Variants in CD38 observed in about 807,000 individuals in gnomAD.
CD38 encodes the protein CD38 molecule.
Under a neutral mutation model 36.3 loss-of-function variants are expected in CD38, and 31 were observed. The ratio of observed to expected loss-of-function variants is 0.85; its 90% CI spans 0.64 to 1.15. The LOEUF (loss-of-function observed/expected upper bound fraction) is 1.15. Among genes scored for constraint, CD38 ranks in the 50% most tolerant of loss-of-function variants. The pLI, the probability that CD38 is intolerant of heterozygous loss-of-function variation, is 0.00. For missense variants in CD38, 380 were observed against 371.9 expected (o/e 1.02, Z -0.18); for synonymous variants, 131 against 135.2 (o/e 0.97, Z 0.22).
chr4:15,787,999 G>A (rs916882474), intron 1 of CD38, among the ~76,000 whole-genome samples: 5 of 152,160 alleles, frequency 3.3e-5, no homozygotes, highest in African/African-American at 4.8e-5. Flanking sequence ...CGCCCTCTGC[G>A]TCAGGGTAAG....
chr4:15,783,528 T>C (rs576807484), intron 1 of CD38, among the ~76,000 whole-genome samples: 1 of 152,298 alleles, frequency 6.6e-6, no homozygotes, highest in Admixed American at 6.5e-5. Context: ...GAAGGACTAT[T>C]TTATTCACTT....
rs183041500 is a variant in CD38 at position 15,807,555 on chromosome 4, G to A, written c.234-8956G>A. Among the ~76,000 whole-genome samples the A allele has an allele frequency of 6.4e-3, 971 of 152,208 alleles. 10 individuals carry two copies. The highest frequency in any genetic ancestry group is 0.012 in the Non-Finnish European group (802 of 68,020). ...AGGCCAGCTCCTGAGTGTCAGGGGG[G>A]GCTGCACTGCTTTGTCATTATCAAC... On this transcript the variant is annotated intron_variant, in intron 1 of 7. Transcript: ENST00000226279.
rs183361141 is a variant in CD38, at chr4:15,786,482, T to C, written c.233+7835T>C. 1.7e-3 allele frequency among the ~76,000 whole-genome samples: 260 copies of C among 151,980 alleles called. 1 individual carries two copies. Among genetic ancestry groups the C allele is most frequent in the African/African-American group, 6.1e-3 (252 of 41,438 alleles). On this transcript the variant is annotated intron_variant, in intron 1 of 7. Transcript: ENST00000226279. ...TAGACATAAAGATTCTCTAAGTCCC[T>C]AGTAGATTAGCTAGACACAGAGCAC...
intron 1 of CD38, among the ~76,000 whole-genome samples, chr4:15,786,995 G>T (rs1297618022): frequency 1.3e-5 from 2 of 152,202 alleles, no homozygotes; most frequent in African/African-American, 4.8e-5. Context: ...GCCCTTCACT[G>T]TCCGGGGCCT....
chr4:15,832,442 C>G (rs987306531), intron 3 of CD38, among the ~76,000 whole-genome samples: 3 of 152,172 alleles, frequency 2.0e-5, no homozygotes, highest in Non-Finnish European at 4.4e-5. Context: ...ATGTTGTGAT[C>G]TACGTTGTAT....
At chr4:15,839,618 T>C (rs1724158307) in intron 5 of CD38, among the ~76,000 whole-genome samples, 1 of 151,354 alleles carries the variant, frequency 6.6e-6, no homozygotes, top group African/African-American at 2.4e-5. Context: ...AGAGACGGGG[T>C]TTCATAGTGT....
chr4:15,834,085 C>T, intron 3 of CD38, 132 bp from the exon 4 acceptor site: 1 of 623,500 alleles, frequency 1.6e-6, no homozygotes, highest in African/African-American at 1.8e-5. Context: ...CAAAATGTGT[C>T]CATTCTCCAG....
chr4:15,806,131 A>T (rs1315070382), intron 1 of CD38, among the ~76,000 whole-genome samples: 2 of 152,208 alleles, frequency 1.3e-5, no homozygotes, highest in Non-Finnish European at 2.9e-5. Flanking sequence ...AAGTAGGCTG[A>T]CCGCAGACAA....
chr4:15,778,417 GGCCAACT>G lies in CD38; in HGVS notation c.6_12del (p.Asn3SerfsTer29), dbSNP rs900003945. The stretch of plus-strand genomic sequence containing the variant: ...CAGCCAACCCCGCCTGGAGCCCTAT[GGCCAACT>G]GCGAGTTCAGCCCGGTGTCCGGGGA... On this transcript the variant is annotated frameshift_variant, in exon 1 of 8. Coordinates refer to ENST00000226279, the MANE Select transcript of CD38 (RefSeq NM_001775.4). LOFTEE classifies it high-confidence loss of function. This position sits in a 1 kb window ranked among gnomAD's most constrained non-coding sequence, Gnocchi z 4.9. 1.9e-6 allele frequency: 3 copies of G among 1,612,830 alleles called. No individual in the cohort carries two copies. The highest frequency in any genetic ancestry group is 2.5e-6 in the Non-Finnish European group (3 of 1,179,212).
intron 1 of CD38, among the ~76,000 whole-genome samples, chr4:15,780,532 A>ACACACACACACACACACACG (rs1560303824): frequency 1.0e-4 from 15 of 145,630 alleles, no homozygotes; most frequent in African/African-American, 3.9e-4. Context: ...ACACACACAC[A>ACACACACACACACACACACG]CACACACACA....
intron 1 of CD38, among the ~76,000 whole-genome samples, chr4:15,789,981 ACT>A (rs1722922750): frequency 6.6e-6 from 1 of 152,210 alleles, no homozygotes. Context: ...AGGAGGCTTT[ACT>A]GGAAGGTGTC....
intron 1 of CD38, among the ~76,000 whole-genome samples, chr4:15,791,576 T>G (rs1209631911): frequency 7.6e-4 from 28 of 36,970 alleles, no homozygotes; most frequent in South Asian, 2.1e-3. Context: ...GGGAGGGAGG[T>G]GGGGGGGTCA....
At chr4:15,814,798 G>A (rs911456592) in intron 1 of CD38, among the ~76,000 whole-genome samples, 1 of 145,612 alleles carries the variant, frequency 6.9e-6, no homozygotes, top group Non-Finnish European at 1.5e-5. Context: ...TTTGTTTTTT[G>A]TTTTTTGTTT....
At chr4:15,828,548 A>T (rs1375656690) in intron 3 of CD38, among the ~76,000 whole-genome samples, 1 of 152,138 alleles carries the variant, frequency 6.6e-6, no homozygotes, top group East Asian at 1.9e-4. Flanking sequence ...ATTGTTTTAG[A>T]TTCCATATGT....
rs9968357 is a variant in CD38 at position 15,794,403 on chromosome 4, A to G, written c.233+15756A>G. Reference sequence around the variant, plus strand: ...TTGACCAGAAGACTGGTTCATATGAATATGGGGGTCCTGGAGAGAGGTCTG... The same window carrying G: ...TTGACCAGAAGACTGGTTCATATGAGTATGGGGGTCCTGGAGAGAGGTCTG... On this transcript the variant is annotated intron_variant, in intron 1 of 7. Coordinates refer to ENST00000226279, the MANE Select transcript of CD38 (RefSeq NM_001775.4). Among the ~76,000 whole-genome samples, 789 of 152,332 alleles carry G rather than the reference A, an allele frequency of 5.2e-3. 5 individuals carry two copies. Among genetic ancestry groups the G allele is most frequent in the African/African-American group, 0.018 (750 of 41,566 alleles).
At chr4:15,804,375 A>G (rs1281598196) in intron 1 of CD38, among the ~76,000 whole-genome samples, 1 of 152,216 alleles carries the variant, frequency 6.6e-6, no homozygotes, top group Non-Finnish European at 1.5e-5. Context: ...AAGTTCCTTA[A>G]CAGGCTAAAA....
intron 2 of CD38, 56 bp from the exon 3 acceptor site, chr4:15,824,825 T>C: frequency 7.5e-7 from 1 of 1,337,860 alleles, no homozygotes; most frequent in Non-Finnish European, 1.0e-6. Context: ...TGTGGATTAA[T>C]TTTTTTTGAC....
Position 15,850,033 on chromosome 4 carries a change from A to G in CD38, c.*1431A>G, listed in dbSNP as rs1249814977. 1 of 152,178 alleles carries G rather than the reference A, an allele frequency of 6.6e-6. No individual in the cohort carries two copies. Among genetic ancestry groups the G allele is most frequent in the East Asian group, 1.9e-4 (1 of 5,192 alleles). 9.4% of individuals were successfully genotyped at this position (152,178 alleles called of 1,614,324 possible). ...GTTTTGAAAAAAACATAAGCCAGGC[A>G]TGGTGGCTCACACCTGTATCCCCAG... is the stretch of plus-strand genomic sequence containing the variant. On this transcript the variant is annotated 3_prime_UTR_variant, in exon 8 of 8. Coordinates refer to ENST00000226279, the MANE Select transcript of CD38 (RefSeq NM_001775.4).
At chr4:15,835,024 T>C (rs185353336) in intron 4 of CD38, among the ~76,000 whole-genome samples, 1 of 152,328 alleles carries the variant, frequency 6.6e-6, no homozygotes, top group East Asian at 1.9e-4. Context: ...ACATTTATCA[T>C]TTCTTTGTGT....
Sources: allele counts gnomAD v4.1 joint callset (sites outside exome capture counted in the v4.1 genomes callset), GRCh38; gene constraint gnomAD v4.1.1; non-coding constraint Gnocchi (gnomAD v3.1); transcripts MANE v1.5; gene names NCBI Gene and HGNC (gene_info 2026-07-23, HGNC 2026-07-21).